CSMD1: variants seen among roughly 807,000 people sequenced by gnomAD.
CSMD1 encodes CUB and Sushi multiple domains 1, also known as CUB and sushi domain-containing protein 1.
Under a neutral mutation model 417.5 loss-of-function variants are expected in CSMD1, and 213 were observed. That is an observed-to-expected ratio of 0.51 (90% CI 0.46 to 0.57). The LOEUF is 0.57. Ranked by LOEUF, CSMD1 falls within the 20% of genes least tolerant of loss-of-function variation. The probability of loss-of-function intolerance (pLI) is 0.00; values close to 1 mark genes in which losing one functional copy is unlikely to be tolerated. For missense variants in CSMD1, 6,923 were observed against 4,529.7 expected (o/e 1.53, Z -15.17); for synonymous variants, 2,862 against 1,736.8 (o/e 1.65, Z -16.11).
intron 7 of CSMD1, among the ~76,000 whole-genome samples, chr8:3,699,642 C>T (rs1800738218): frequency 1.3e-5 from 2 of 152,256 alleles, no homozygotes; most frequent in South Asian, 4.1e-4. Context: ...ACCGTTATGA[C>T]AGCACTCTGT....
rs187646040 is a variant in CSMD1, at chr8:4,835,585, C to G, written c.85+158747G>C. On this transcript the variant is annotated intron_variant, in intron 1 of 69. Transcript: ENST00000635120. ...CACAGAGATTTTGGAATTATCCTAA[C>G]ACAAATTTTATCTACATTTTGCATA... Among the ~76,000 whole-genome samples, 16 of 152,312 alleles carry G rather than the reference C, an allele frequency of 1.1e-4. No individual in the cohort carries two copies. The East Asian group carries it at 3.1e-3, about 29-fold the overall frequency.
At chr8:3,046,682 G>T (rs562323525) in intron 50 of CSMD1, among the ~76,000 whole-genome samples, 1 of 152,082 alleles carries the variant, frequency 6.6e-6, no homozygotes, top group Non-Finnish European at 1.5e-5. Flanking sequence ...CCAAAGCACC[G>T]GTGTCTAATC....
chr8:3,377,357 T>C (rs1810376782), intron 18 of CSMD1, among the ~76,000 whole-genome samples: 4 of 152,174 alleles, frequency 2.6e-5, no homozygotes, highest in Non-Finnish European at 4.4e-5. Context: ...AGAAACATGT[T>C]CCAGTGCTGC....
chr8:4,259,807 C>G (rs922014178), intron 3 of CSMD1, among the ~76,000 whole-genome samples: 26 of 152,038 alleles, frequency 1.7e-4, no homozygotes, highest in African/African-American at 5.8e-4. Flanking sequence ...TAATATAAAG[C>G]TATTATTTGG....
chr8:4,295,163 AT>A (rs1797593421), intron 3 of CSMD1, among the ~76,000 whole-genome samples: 1 of 144,406 alleles, frequency 6.9e-6, no homozygotes, highest in Non-Finnish European at 1.5e-5. Context: ...CGCACATATA[AT>A]CTTAAGATTA....
intron 49 of CSMD1, among the ~76,000 whole-genome samples, chr8:3,080,853 G>T (rs912919557): frequency 6.6e-6 from 1 of 152,118 alleles, no homozygotes; most frequent in African/African-American, 2.4e-5. Context: ...ACTTTGGAGG[G>T]GGATGGCCCT....
chr8:3,134,688 A>T (rs1448027464), intron 41 of CSMD1, among the ~76,000 whole-genome samples: 1 of 152,172 alleles, frequency 6.6e-6, no homozygotes, highest in African/African-American at 2.4e-5. Context: ...CAAAGACTTC[A>T]TTTCCCTTCC....
At chr8:4,385,490 G>T (rs897316351) in intron 3 of CSMD1, among the ~76,000 whole-genome samples, 1 of 152,108 alleles carries the variant, frequency 6.6e-6, no homozygotes, top group South Asian at 2.1e-4. Flanking sequence ...TAGATATTTG[G>T]AGCTTAGTAC....
chr8:4,728,995 G>C (rs796372187), intron 1 of CSMD1, among the ~76,000 whole-genome samples: 3 of 152,176 alleles, frequency 2.0e-5, no homozygotes, highest in African/African-American at 7.2e-5. Flanking sequence ...GGAGACTGTG[G>C]TGATATAAAT....
At chr8:3,979,793 G>T (rs989717240) in intron 5 of CSMD1, among the ~76,000 whole-genome samples, 2 of 152,154 alleles carry the variant, frequency 1.3e-5, no homozygotes, top group Admixed American at 6.5e-5. Context: ...ACCGTCTGTG[G>T]TATCTTGTTA....
chr8:3,668,810 T>C (rs569309489), intron 7 of CSMD1, among the ~76,000 whole-genome samples: 1 of 152,124 alleles, frequency 6.6e-6, no homozygotes, highest in Non-Finnish European at 1.5e-5. Flanking sequence ...CCTTAGACAA[T>C]TTGCTGTTAA....
At chr8:3,507,875 T>C (rs980987035) in intron 10 of CSMD1, among the ~76,000 whole-genome samples, 2 of 152,204 alleles carry the variant, frequency 1.3e-5, no homozygotes, top group Non-Finnish European at 2.9e-5. Flanking sequence ...TCTTGCAAAT[T>C]TGTTTGAGTT....
At chr8:4,068,235 G>C (rs187330201) in intron 3 of CSMD1, among the ~76,000 whole-genome samples, 78 of 152,316 alleles carry the variant, frequency 5.1e-4, no homozygotes, top group African/African-American at 1.7e-3. Context: ...AGAAGAAAAT[G>C]AGGAGAACCC....
At chr8:4,562,124 A>G (rs563382394) in intron 2 of CSMD1, among the ~76,000 whole-genome samples, 31 of 152,342 alleles carry the variant, frequency 2.0e-4, no homozygotes, top group African/African-American at 7.2e-4. Flanking sequence ...AGTGTAGGAA[A>G]AGCTGCAGGT....
At chr8:3,900,534 A>T (rs1323096684) in intron 5 of CSMD1, among the ~76,000 whole-genome samples, 1 of 140,636 alleles carries the variant, frequency 7.1e-6, no homozygotes, top group Non-Finnish European at 1.5e-5. Flanking sequence ...CAGCTGGGTG[A>T]CAGTGAAGCT....
Position 3,937,958 on chromosome 8 carries a change from G to A in CSMD1, c.818+59945C>T, listed in dbSNP as rs577592017. ...AATGTTTAGTTACATACTAACTTAC[G>A]GTGACCATATTAAGTTATATCACAT... On this transcript the variant is annotated intron_variant, in intron 5 of 69. Transcript: ENST00000635120. Among the ~76,000 whole-genome samples the A allele has an allele frequency of 1.4e-4, 21 of 151,994 alleles. No homozygotes were observed. The East Asian group carries it at 2.3e-3, about 17-fold the overall frequency.
In CSMD1 at chr8:3,384,323, T is replaced by C. The variant is rs139332114; in HGVS notation, c.2782+3171A>G. Reference sequence around the variant, plus strand: ...ATGTACATTTTTAAACATTTTTAAATCAAATCAGGCATCCAATTTGAGCAA... The same window carrying C: ...ATGTACATTTTTAAACATTTTTAAACCAAATCAGGCATCCAATTTGAGCAA... On this transcript the variant is annotated intron_variant, in intron 18 of 69. Transcript: ENST00000635120. Among the ~76,000 whole-genome samples, 1,135 of 152,214 alleles carry C rather than the reference T, an allele frequency of 7.5e-3. 7 individuals are homozygous for C. The highest frequency in any genetic ancestry group is 0.012 in the Non-Finnish European group (787 of 67,994).
intron 3 of CSMD1, among the ~76,000 whole-genome samples, chr8:4,195,623 T>A (rs1273867047): frequency 6.6e-6 from 1 of 152,136 alleles, no homozygotes; most frequent in African/African-American, 2.4e-5. Context: ...TAAGGCTGCA[T>A]CTTGCCTGGA....
intron 2 of CSMD1, among the ~76,000 whole-genome samples, chr8:4,624,097 A>C (rs1801952564): frequency 6.6e-6 from 1 of 152,154 alleles, no homozygotes; most frequent in African/African-American, 2.4e-5. Flanking sequence ...TATGTATCCA[A>C]GGTAAACTGG....
Sources: gnomAD v4.1 joint callset for allele counts (sites outside exome capture counted in the v4.1 genomes callset) on GRCh38, gnomAD v4.1.1 for gene constraint, MANE v1.5 for transcripts, NCBI Gene and HGNC (gene_info 2026-07-23, HGNC 2026-07-21) for gene names.